DCTN5: variants seen among roughly 807,000 people sequenced by gnomAD.
DCTN5 encodes dynactin subunit 5.
Under a neutral mutation model 23.5 loss-of-function variants are expected in DCTN5, and 14 were observed. The ratio of observed to expected loss-of-function variants is 0.60; its 90% confidence interval spans 0.39 to 0.93. The LOEUF is 0.93. DCTN5 is among the 40% of genes least tolerant of loss of function. The probability of loss-of-function intolerance (pLI) is 0.00; values close to 1 mark genes in which losing one functional copy is unlikely to be tolerated. For synonymous variants in DCTN5, 67 were observed against 79.6 expected (o/e 0.84, Z 0.84); for missense variants, 156 against 225.9 (o/e 0.69, Z 1.98).
intron 2 of DCTN5, 138 bp from the exon 3 acceptor site, chr16:23,658,369 T>C (rs1967749086): frequency 1.5e-6 from 1 of 664,170 alleles, no homozygotes; most frequent in African/African-American, 1.8e-5. Flanking sequence ...TACAATTTAT[T>C]CCTTTTGGCG....
At position 23,668,576 on chromosome 16, in the gene DCTN5, G is replaced by C. The variant is rs1237720189; in HGVS notation, c.*1432G>C. Reference sequence around the variant, plus strand: ...GTGGCCACAGTTAGCAACAAAGGAGGCTGTAAATTTAGTTTCTACTTGGGC... The same window carrying C: ...GTGGCCACAGTTAGCAACAAAGGAGCCTGTAAATTTAGTTTCTACTTGGGC... On this transcript the variant is annotated 3_prime_UTR_variant, in exon 6 of 6. Coordinates refer to ENST00000300087, the MANE Select transcript of DCTN5 (RefSeq NM_032486.4). The C allele has an allele frequency of 1.3e-5, 2 of 152,216 alleles. No individual in the cohort carries two copies. Among genetic ancestry groups the C allele is most frequent in the Non-Finnish European group, 2.9e-5 (2 of 68,058 alleles). 9.4% of individuals were successfully genotyped at this position (152,216 alleles called of 1,614,324 possible). A position where few individuals can be genotyped will look rare whatever the true frequency, so the allele number is the denominator to read the frequency against.
intron 4 of DCTN5, among the ~76,000 whole-genome samples, chr16:23,661,757 G>C (rs1341372022): frequency 2.1e-5 from 3 of 144,066 alleles, no homozygotes; most frequent in Non-Finnish European, 3.0e-5. Context: ...TAAATAAAAA[G>C]ATTTGGAATA....
intron 3 of DCTN5, among the ~76,000 whole-genome samples, chr16:23,659,560 A>G (rs545567581): frequency 1.3e-5 from 2 of 152,346 alleles, no homozygotes; most frequent in Admixed American, 6.5e-5. Context: ...TAGCATAATC[A>G]GATAGCGACA....
intron 2 of DCTN5, among the ~76,000 whole-genome samples, chr16:23,652,931 C>T (rs969734718): frequency 6.6e-6 from 1 of 152,038 alleles, no homozygotes; most frequent in African/African-American, 2.4e-5. Flanking sequence ...TCTCTTGAGC[C>T]CAGGATTTCA....
rs1448426195 is a variant in DCTN5 at position 23,665,638 on chromosome 16, GT to G, written c.362del (p.Val121GlyfsTer2). On this transcript the variant is annotated frameshift_variant, in exon 5 of 6. Transcript: ENST00000300087. LOFTEE classifies it high-confidence loss of function. ...ATTTTAATTTCAGGGGCGCCGATGT[GT>G]GTTGAAAGACTGCTGCAAAATTCTT... ...GKNCVIGRRC[V>X]LKDCCKILDN... The G allele has an allele frequency of 6.2e-7, 1 of 1,613,642 alleles. No homozygotes were observed. The highest frequency in any genetic ancestry group is 8.5e-7 in the Non-Finnish European group (1 of 1,179,944).
At chr16:23,645,483 C>T (rs1407503227) in intron 2 of DCTN5, among the ~76,000 whole-genome samples, 2 of 152,046 alleles carry the variant, frequency 1.3e-5, no homozygotes, top group Admixed American at 1.3e-4. Context: ...GTTGTGCAAC[C>T]ATCTCCACTA....
At chr16:23,663,999 G>A (rs563765952) in intron 4 of DCTN5, among the ~76,000 whole-genome samples, 1 of 152,152 alleles carries the variant, frequency 6.6e-6, no homozygotes, top group Non-Finnish European at 1.5e-5. Flanking sequence ...CCCTCCATGG[G>A]ACTATATCAT....
At chr16:23,648,480 G>A (rs900514436) in intron 2 of DCTN5, among the ~76,000 whole-genome samples, 6 of 151,066 alleles carry the variant, frequency 4.0e-5, no homozygotes, top group Admixed American at 2.7e-4. Flanking sequence ...CTCCTGAATA[G>A]CTGGGATTAC....
intron 2 of DCTN5, among the ~76,000 whole-genome samples, chr16:23,647,413 T>C (rs1179317665): frequency 6.6e-6 from 1 of 152,142 alleles, no homozygotes; most frequent in African/African-American, 2.4e-5. Context: ...CTCGGCCTAC[T>C]ATAATAAGTT....
chr16:23,641,700 T>G (rs1286647588), intron 1 of DCTN5, 110 bp downstream of exon 1: 1 of 1,160,650 alleles, frequency 8.6e-7, no homozygotes, highest in Non-Finnish European at 1.3e-6. Flanking sequence ...CCTTTGGCCA[T>G]TAGTCCCGGA....
chr16:23,650,953 C>G, intron 2 of DCTN5: 1 of 1,442,492 alleles, frequency 6.9e-7, no homozygotes, highest in Non-Finnish European at 9.3e-7. Flanking sequence ...TGGCAACAAT[C>G]AGCTTTCCAG....
chr16:23,653,428 CCTT>C (rs1453003752), intron 2 of DCTN5, among the ~76,000 whole-genome samples: 2 of 152,126 alleles, frequency 1.3e-5, no homozygotes, highest in Non-Finnish European at 2.9e-5. Flanking sequence ...CTTCATCAAA[CCTT>C]CTAAAAACAA....
rs1968029191 is a variant in DCTN5, at chr16:23,672,779, T to C, written c.*5635T>C. The C allele has an allele frequency of 6.6e-6, 1 of 152,246 alleles. No homozygotes were observed. The highest frequency in any genetic ancestry group is 2.4e-5 in the African/African-American group (1 of 41,470). 9.4% of individuals were successfully genotyped at this position (152,246 alleles called of 1,614,324 possible). A position where few individuals can be genotyped will look rare whatever the true frequency, so the allele number is the denominator to read the frequency against. On this transcript the variant is annotated 3_prime_UTR_variant, in exon 6 of 6. Transcript: ENST00000300087. ...GGTTCACTGTTAGTATTACTGTTACTGATAACATACAAATAGATTGTATTA... is the reference window on the plus strand; with the variant it reads ...GGTTCACTGTTAGTATTACTGTTACCGATAACATACAAATAGATTGTATTA...
chr16:23,657,346 C>T (rs1967724153), intron 2 of DCTN5: 19 of 279,756 alleles, frequency 6.8e-5, no homozygotes, highest in South Asian at 5.0e-4. Flanking sequence ...GTCCCAGCTG[C>T]ACAGAAGGCT....
intron 4 of DCTN5, among the ~76,000 whole-genome samples, chr16:23,664,914 A>G (rs1967878066): frequency 6.6e-6 from 1 of 152,232 alleles, no homozygotes; most frequent in South Asian, 2.1e-4. Context: ...ATATAAACCA[A>G]GAGTACAGGA....
chr16:23,647,730 AC>A (rs1320348938), intron 2 of DCTN5, among the ~76,000 whole-genome samples: 1 of 149,148 alleles, frequency 6.7e-6, no homozygotes, highest in Non-Finnish European at 1.5e-5. Context: ...CTGGTCTTGA[AC>A]TCCTGACCTC....
intron 2 of DCTN5, among the ~76,000 whole-genome samples, chr16:23,649,003 G>A (rs1034964695): frequency 1.1e-4 from 16 of 151,806 alleles, no homozygotes; most frequent in Admixed American, 3.9e-4. Context: ...GACTACAGGC[G>A]CACACCACCA....
Position 23,665,745 on chromosome 16 carries a change from AT to A in DCTN5, c.451+19del, listed in dbSNP as rs757705783. 1.9e-6 allele frequency: 3 copies of A among 1,594,020 alleles called. No homozygotes were observed. In the Admixed American group the frequency reaches 5.2e-5, roughly 28 times the overall value. Reference sequence around the variant, plus strand: ...GCTGCCCAGGTAACCTTGGCTGTTGATTAATTTTATTTTAACTTCCTAAAAC... The same window carrying A: ...GCTGCCCAGGTAACCTTGGCTGTTGATAATTTTATTTTAACTTCCTAAAAC... On this transcript the variant is annotated intron_variant, in intron 5 of 5. Transcript: ENST00000300087.
At position 23,663,381 on chromosome 16, in the gene DCTN5, G is replaced by C. The variant is rs1223678001; in HGVS notation, c.348+2100G>C. The stretch of plus-strand genomic sequence containing the variant: ...CTGTAGTATTAGCAGCACGGCTGCA[G>C]TTGTTAACTCCTTGGAAAGCTCTCT... On this transcript the variant is annotated intron_variant, in intron 4 of 5. Coordinates refer to ENST00000300087, the MANE Select transcript of DCTN5 (RefSeq NM_032486.4). Among the ~76,000 whole-genome samples the C allele has an allele frequency of 4.6e-5, 7 of 152,320 alleles. 1 individual carries two copies. Among genetic ancestry groups the C allele is most frequent in the Admixed American group, 4.6e-4 (7 of 15,306 alleles).
Sources: allele counts gnomAD v4.1 joint callset (sites outside exome capture counted in the v4.1 genomes callset), GRCh38; gene constraint gnomAD v4.1.1; transcripts MANE v1.5; gene names NCBI Gene and HGNC (gene_info 2026-07-23, HGNC 2026-07-21).